Variants in TMEM232 observed in about 807,000 individuals in gnomAD.
TMEM232 encodes the protein transmembrane protein 232.
In TMEM232, 80 loss-of-function variants were observed where a neutral mutation model predicts 78.8. The ratio of observed to expected loss-of-function variants is 1.01; its 90% CI spans 0.85 to 1.22. The LOEUF is 1.22. Among genes scored for constraint, TMEM232 ranks in the 50% most tolerant of loss-of-function variants. The pLI is 0.00. For missense variants in TMEM232, 881 were observed against 742.2 expected, an observed-to-expected ratio of 1.19 and a Z score of -2.17; for synonymous variants, 297 against 254.3, an observed-to-expected ratio of 1.17 and a Z score of -1.60.
At chr5:110,476,490 T>C (rs1016712444) in intron 12 of TMEM232, among the ~76,000 whole-genome samples, 1 of 152,070 alleles carries the variant, frequency 6.6e-6, no homozygotes, top group Admixed American at 6.6e-5. Flanking sequence ...CTTGTTTCAG[T>C]ATCCCATACT....
intron 2 of TMEM232, among the ~76,000 whole-genome samples, chr5:110,404,449 C>T (rs180859352): frequency 1.2e-4 from 18 of 152,110 alleles, no homozygotes; most frequent in African/African-American, 3.9e-4. Context: ...CTTGCTGTCT[C>T]CTTGGTTTTA....
Position 110,420,066 on chromosome 5 carries a change from GGTTT to G in TMEM232, c.*510_*513del, listed in dbSNP as rs773695659. ...TCCCAGATTCAAATCTCTGAAATAG[GGTTT>G]GTTTGGTTTGGTATAAATTGACTAT... On this transcript the variant is annotated 3_prime_UTR_variant, in exon 14 of 14. Coordinates refer to ENST00000455884, the MANE Select transcript of TMEM232 (RefSeq NM_001039763.4). 1 of 151,896 alleles carries G rather than the reference GGTTT, an allele frequency of 6.6e-6. No homozygotes were observed. Among genetic ancestry groups the G allele is most frequent in the Non-Finnish European group, 1.5e-5 (1 of 67,986 alleles). The allele number at this position is 151,896 out of a possible 1,614,324, so 9.4% of individuals were successfully genotyped here. A position where few individuals can be genotyped will look rare whatever the true frequency, so the allele number is the denominator to read the frequency against.
Position 110,528,805 on chromosome 5 carries a change from T to C in TMEM232, c.1486A>G (p.Thr496Ala). The C allele has an allele frequency of 6.6e-7, 1 of 1,515,978 alleles. No individual in the cohort carries two copies. The highest frequency in any genetic ancestry group is 8.8e-7 in the Non-Finnish European group (1 of 1,136,508). 93.9% of individuals were successfully genotyped at this position (1,515,978 alleles called of 1,614,324 possible). Reference sequence around the variant, plus strand: ...GATGAAATATTTGTACTATATCTAGTGAAAGGATCAGTTGGGTCATTTAAC... The same window carrying C: ...GATGAAATATTTGTACTATATCTAGCGAAAGGATCAGTTGGGTCATTTAAC... ...AELNDPTDPFTRYSTNISSNV... is the reference protein window; with the variant it reads ...AELNDPTDPFARYSTNISSNV... The change falls in exon 12 of 14, where the codon ACT (threonine) becomes GCT (alanine). Residue 496 changes from threonine to alanine, a missense_variant. Physicochemically the swap from Thr to Ala is moderately conservative, Grantham distance 58 (BLOSUM62 0). Coordinates refer to ENST00000455884, the MANE Select transcript of TMEM232 (RefSeq NM_001039763.4).
intron 12 of TMEM232, among the ~76,000 whole-genome samples, chr5:110,463,355 A>T (rs1305705560): frequency 1.3e-5 from 2 of 152,216 alleles, no homozygotes; most frequent in Non-Finnish European, 2.9e-5. Flanking sequence ...ACATAATGTT[A>T]TTGCATGCTT....
intron 5 of TMEM232, among the ~76,000 whole-genome samples, chr5:110,633,502 G>A (rs143329388): frequency 0.017 from 2,532 of 152,224 alleles, 44 homozygotes; most frequent in African/African-American, 0.035. Flanking sequence ...GAAGGGCCAC[G>A]TGTTGAGGGA....
intron 5 of TMEM232, among the ~76,000 whole-genome samples, chr5:110,634,346 C>T (rs1329360955): frequency 6.6e-6 from 1 of 152,074 alleles, no homozygotes; most frequent in African/African-American, 2.4e-5. Context: ...ACCAAATGGA[C>T]ATTAAAGATA....
intron 12 of TMEM232, among the ~76,000 whole-genome samples, chr5:110,475,094 TCA>T (rs1188869952): frequency 3.3e-5 from 5 of 151,996 alleles, no homozygotes; most frequent in African/African-American, 1.2e-4. Flanking sequence ...TTAAGATTCA[TCA>T]CACAGTCACA....
intron 12 of TMEM232, among the ~76,000 whole-genome samples, chr5:110,522,137 T>C (rs932619512): frequency 1.3e-5 from 2 of 152,138 alleles, no homozygotes; most frequent in Admixed American, 6.5e-5. Context: ...GTCTTTTACA[T>C]CCTTATTTAA....
chr5:110,708,157 G>T (rs1420614556), intron 1 of TMEM232, among the ~76,000 whole-genome samples: 1 of 152,166 alleles, frequency 6.6e-6, no homozygotes, highest in African/African-American at 2.4e-5. Context: ...AGGTGACATT[G>T]TCTTGCACTT....
chr5:110,600,216 A>T (rs1780711189), intron 10 of TMEM232, among the ~76,000 whole-genome samples: 1 of 152,214 alleles, frequency 6.6e-6, no homozygotes, highest in Non-Finnish European at 1.5e-5. Flanking sequence ...AGCGGGGAAG[A>T]TCTAAAATCA....
intron 12 of TMEM232, among the ~76,000 whole-genome samples, chr5:110,481,979 GATTT>G (rs1259053594): frequency 6.6e-6 from 1 of 152,012 alleles, no homozygotes; most frequent in African/African-American, 2.4e-5. Flanking sequence ...TAAGAACCAA[GATTT>G]ATTACAGAAA....
At chr5:110,718,005 A>G (rs1797194988) in intron 1 of TMEM232, among the ~76,000 whole-genome samples, 1 of 152,106 alleles carries the variant, frequency 6.6e-6, no homozygotes, top group African/African-American at 2.4e-5. Context: ...TTAAAAGTAT[A>G]TTGAATATTT....
chr5:110,512,314 G>T (rs1419833571), intron 12 of TMEM232, among the ~76,000 whole-genome samples: 2 of 152,152 alleles, frequency 1.3e-5, no homozygotes, highest in Admixed American at 6.5e-5. Context: ...AGTAAACTAT[G>T]TGGGTGCAAA....
chr5:110,490,840 C>A (rs1354844209), intron 12 of TMEM232, among the ~76,000 whole-genome samples: 1 of 152,062 alleles, frequency 6.6e-6, no homozygotes, highest in Non-Finnish European at 1.5e-5. Flanking sequence ...GCATCAAAGA[C>A]CTCACTGTAA....
rs932848323 is a variant in TMEM232, at chr5:110,528,662, T to C, written c.1629A>G (p.Ile543Met). 1 of 1,535,224 alleles carries C rather than the reference T, an allele frequency of 6.5e-7. No individual in the cohort carries two copies. Residue 543 changes from isoleucine (I) to methionine (M), a missense_variant, in exon 12 of 14, where the codon ATA becomes ATG. Ile to Met is a conservative substitution (Grantham distance 10). Coordinates refer to ENST00000455884, the MANE Select transcript of TMEM232 (RefSeq NM_001039763.4). ...TTGGATATTTTGTTTGATCCTTTTT[T>C]ATTGATGGTTTCTTCAAAGGAAGAA... is the stretch of plus-strand genomic sequence containing the variant. ...AHFLPLKKPS[I>M]KKDQTKYPNK...
chr5:110,693,082 G>A (rs913509880), intron 1 of TMEM232, among the ~76,000 whole-genome samples: 4 of 152,152 alleles, frequency 2.6e-5, no homozygotes, highest in Non-Finnish European at 5.9e-5. Context: ...ACCTCACATG[G>A]CCGGGTACTC....
intron 2 of TMEM232, among the ~76,000 whole-genome samples, chr5:110,651,147 G>A (rs1788247209): frequency 6.6e-6 from 1 of 152,118 alleles, no homozygotes; most frequent in African/African-American, 2.4e-5. Flanking sequence ...ATCAAAACCT[G>A]ATAGGCAGTC....
intron 1 of TMEM232, among the ~76,000 whole-genome samples, chr5:110,696,801 T>C (rs1000060060): frequency 6.6e-6 from 1 of 150,946 alleles, no homozygotes; most frequent in African/African-American, 2.4e-5. Flanking sequence ...AATAAGAGGA[T>C]ACAAAGAAAT....
chr5:110,570,073 A>G (rs921018852), intron 10 of TMEM232, among the ~76,000 whole-genome samples: 1 of 151,994 alleles, frequency 6.6e-6, no homozygotes, highest in Non-Finnish European at 1.5e-5. Flanking sequence ...AGGAAGGCAT[A>G]TATCCAGTTT....
Sources: allele counts gnomAD v4.1 joint callset (sites outside exome capture counted in the v4.1 genomes callset), GRCh38; gene constraint gnomAD v4.1.1; transcripts MANE v1.5; gene names NCBI Gene and HGNC (gene_info 2026-07-23, HGNC 2026-07-21).